GK2: variants seen among roughly 807,000 people sequenced by gnomAD.
GK2 encodes the protein glycerol kinase 2, also known as ATP:glycerol 3-phosphotransferase 2.
A neutral mutation model predicts 9.5 loss-of-function variants in GK2; 10 were observed. The observed-to-expected ratio is 1.05, with a 90% CI of 0.65 to 1.78. The LOEUF (loss-of-function observed/expected upper bound fraction) is 1.78, where lower values mean the gene tolerates loss of function less well. Among genes scored for constraint, GK2 ranks in the 40% most tolerant of loss-of-function variants. The pLI, the probability that GK2 is intolerant of heterozygous loss-of-function variation, is 0.00. For synonymous variants in GK2, 228 were observed against 229.9 expected, an observed-to-expected ratio of 0.99 and a Z score of 0.07; for missense variants, 643 against 669.0, an observed-to-expected ratio of 0.96 and a Z score of 0.43.
chr4:79,407,716 C>G lies in GK2; in HGVS notation c.485G>C (p.Arg162Thr), dbSNP rs945431876. The change falls in exon 1 of 1, where the codon AGA (arginine) becomes ACA (threonine). Residue 162 changes from arginine to threonine, a missense_variant. Arg to Thr is a moderately conservative substitution (Grantham distance 71, BLOSUM62 -1). Transcript: ENST00000358842. ...VKLRWMLDNV[R>T]NVQKAVEEGR... ...TTCTTCAACAGCCTTTTGGACGTTT[C>G]TCACATTGTCAAGCATCCAACGAAG... is the stretch of plus-strand genomic sequence containing the variant. 2 of 1,614,054 alleles carry G rather than the reference C, an allele frequency of 1.2e-6. No individual in the cohort carries two copies. Among genetic ancestry groups the G allele is most frequent in the African/African-American group, 2.7e-5 (2 of 74,924 alleles).
rs1382440724 is a variant in GK2, at chr4:79,407,333, C to T, written c.868G>A (p.Gly290Ser). ...TGTTCAGAAAACACACATTTACGACCCGTATTACACAGTAAGAAGCAACCT... is the reference window on the plus strand; with the variant it reads ...TGTTCAGAAAACACACATTTACGACTCGTATTACACAGTAAGAAGCAACCT... ...GTGCFLLCNT[G>S]RKCVFSEHGL... Residue 290 changes from glycine to serine, a missense_variant, in exon 1 of 1, where the codon GGT becomes AGT. Coordinates refer to ENST00000358842, the MANE Select transcript of GK2 (RefSeq NM_033214.3). 6.2e-7 allele frequency: 1 copy of T among 1,614,190 alleles called. No homozygotes were observed. Among genetic ancestry groups the T allele is most frequent in the Non-Finnish European group, 8.5e-7 (1 of 1,180,044 alleles).
In GK2 at chr4:79,407,844, G is replaced by GTAGTA; in HGVS notation, c.356_357insTACTA (p.Gln120ThrfsTer35). On this transcript the variant is annotated frameshift_variant, in exon 1 of 1. Transcript: ENST00000358842. LOFTEE classifies it high-confidence loss of function. ...TACTAAGATCCTCAACAGTAGTCTGGGTTCTTAGATCAAGCCACACCACAG... is the reference window on the plus strand; with the variant it reads ...TACTAAGATCCTCAACAGTAGTCTGGTAGTAGTTCTTAGATCAAGCCACACCACAG... 6.2e-7 allele frequency: 1 copy of GTAGTA among 1,614,038 alleles called. No individual in the cohort carries two copies. Among genetic ancestry groups the GTAGTA allele is most frequent in the Non-Finnish European group, 8.5e-7 (1 of 1,179,974 alleles).
In GK2 at chr4:79,406,504, A is replaced by G; in HGVS notation, c.*35T>C. On this transcript the variant is annotated 3_prime_UTR_variant, in exon 1 of 1. Coordinates refer to ENST00000358842, the MANE Select transcript of GK2 (RefSeq NM_033214.3). Reference sequence around the variant, plus strand: ...ACTGCTATATGCTTTCATTATGTAAAATGTTTACATCTTGGGACTCCATAG... The same window carrying G: ...ACTGCTATATGCTTTCATTATGTAAGATGTTTACATCTTGGGACTCCATAG... The G allele has an allele frequency of 8.0e-7, 1 of 1,247,086 alleles. No individual in the cohort carries two copies. Among genetic ancestry groups the G allele is most frequent in the Non-Finnish European group, 1.2e-6 (1 of 863,118 alleles). The allele number at this position is 1,247,086 out of a possible 1,614,324, so 77.3% of individuals were successfully genotyped here.
rs1338480819 is a variant in GK2, at chr4:79,407,509, GGAA to G, written c.689_691del (p.Leu230del). On this transcript the variant is annotated inframe_deletion, in exon 1 of 1. Transcript: ENST00000358842. Reference sequence around the variant, plus strand: ...GATCTCAGAAGAACTGAAGACATTTGGAAGAAGGTCCATTGGAATTTCAAAAAA... The same window carrying G: ...GATCTCAGAAGAACTGAAGACATTTGGAAGGTCCATTGGAATTTCAAAAAA... The G allele has an allele frequency of 6.2e-7, 1 of 1,614,032 alleles. No individual in the cohort carries two copies. The highest frequency in any genetic ancestry group is 2.2e-5 in the East Asian group (1 of 44,878).
Position 79,407,224 on chromosome 4 carries a change from C to G in GK2, c.977G>C (p.Gly326Ala), listed in dbSNP as rs937575078. ...GTCTCTTAGCCAACGAATAACAGCA[C>G]CTGCTATAGCAACAGAACCTTCCAG... is the stretch of plus-strand genomic sequence containing the variant. Reference protein sequence around the residue: ...YALEGSVAIAGAVIRWLRDNL... With the variant: ...YALEGSVAIAAAVIRWLRDNL... Residue 326 changes from glycine to alanine, a missense_variant, in exon 1 of 1, where the codon GGT becomes GCT. Physicochemically the swap from Gly to Ala is moderately conservative, Grantham distance 60. Transcript: ENST00000358842. 1.9e-6 allele frequency: 3 copies of G among 1,614,054 alleles called. No individual in the cohort carries two copies. Among genetic ancestry groups the G allele is most frequent in the East Asian group, 2.2e-5 (1 of 44,894 alleles).
In GK2 at chr4:79,407,643, C is replaced by T; in HGVS notation, c.558G>A (p.Leu186=). The change falls in exon 1 of 1, where the codon TTG becomes TTA. Residue 186 remains leucine, a synonymous_variant. Coordinates refer to ENST00000358842, the MANE Select transcript of GK2 (RefSeq NM_033214.3). ...GCACGCCTCCATTAACTCCTCCTGT[C>T]AAACTCCAGATAAGCCATGAATCAA... is the stretch of plus-strand genomic sequence containing the variant. ...GTIDSWLIWS[L]TGGVNGGVHC... 1 of 1,614,248 alleles carries T rather than the reference C, an allele frequency of 6.2e-7. No individual in the cohort carries two copies. The highest frequency in any genetic ancestry group is 8.5e-7 in the Non-Finnish European group (1 of 1,180,046).
In GK2 at chr4:79,407,064, T is replaced by C. The variant is rs965750252; in HGVS notation, c.1137A>G (p.Ile379Met). The change falls in exon 1 of 1, where the codon ATA becomes ATG. Residue 379 changes from isoleucine to methionine, a missense_variant. Coordinates refer to ENST00000358842, the MANE Select transcript of GK2 (RefSeq NM_033214.3). Reference sequence around the variant, plus strand: ...TGGTAAACTGAGTGAGGCCACAGAGTATCCCTCTTGCACTGGGCTCCCAAT... The same window carrying C: ...TGGTAAACTGAGTGAGGCCACAGAGCATCCCTCTTGCACTGGGCTCCCAAT... Reference protein sequence around the residue: ...APYWEPSARGILCGLTQFTNK... With the variant: ...APYWEPSARGMLCGLTQFTNK... 4 of 1,613,824 alleles carry C rather than the reference T, an allele frequency of 2.5e-6. No homozygotes were observed. Among genetic ancestry groups the C allele is most frequent in the Middle Eastern group, 1.6e-4 (1 of 6,084 alleles).
rs1219928482 is a variant in GK2 at position 79,406,914 on chromosome 4, G to C, written c.1287C>G (p.Thr429=). 4 of 1,614,048 alleles carry C rather than the reference G, an allele frequency of 2.5e-6. No homozygotes were observed. The highest frequency in any genetic ancestry group is 8.5e-7 in the Non-Finnish European group (1 of 1,180,028). Residue 429 remains threonine (T), a synonymous_variant, in exon 1 of 1, where the codon ACC becomes ACG. Transcript: ENST00000358842. ...GTAGCTGCATAAGAACTTTGTTGTT[G>C]GTCATTCCTCCATCTACCTGCAAAT... ...LRHLQVDGGM[T]NNKVLMQLQA... is the part of the protein sequence containing the mutation.
In GK2 at chr4:79,407,565, A is replaced by T. The variant is rs1280082348; in HGVS notation, c.636T>A (p.Ser212=). 1.2e-6 allele frequency: 2 copies of T among 1,614,120 alleles called. No individual in the cohort carries two copies. The highest frequency in any genetic ancestry group is 1.1e-5 in the South Asian group (1 of 91,088). ...CACAGAGCTCTTTATCCCATTCCAA[A>T]GAATGGATATTAAAAAGCATTGTCC... The part of the protein sequence containing the change: ...ASRTMLFNIH[S]LEWDKELCDF... Residue 212 remains serine (S), a synonymous_variant, in exon 1 of 1, where the codon TCT becomes TCA. Coordinates refer to ENST00000358842, the MANE Select transcript of GK2 (RefSeq NM_033214.3).
rs536094689 is a variant in GK2, at chr4:79,406,552, G to T, written c.1649C>A (p.Ser550Ter). The change falls in exon 1 of 1, where the codon TCG becomes TAG. Residue 550 changes from serine (S) to a stop codon, truncating the protein, a stop_gained. Transcript: ENST00000358842. LOFTEE classifies it high-confidence loss of function. Reference protein sequence around the residue: ...MVMLIGARYISGVP With the variant: ...MVMLIGARYI ...TAGCTGGTATTATTATGGCACACCC[G>T]AGATATATCTTGCTCCAATTAGCAT... 6.2e-7 allele frequency: 1 copy of T among 1,602,052 alleles called. No individual in the cohort carries two copies. Among genetic ancestry groups the T allele is most frequent in the Middle Eastern group, 1.7e-4 (1 of 6,026 alleles).
rs757316799 is a variant in GK2 at position 79,407,029 on chromosome 4, T to C, written c.1172A>G (p.His391Arg). 1 of 1,614,174 alleles carries C rather than the reference T, an allele frequency of 6.2e-7. No individual in the cohort carries two copies. The highest frequency in any genetic ancestry group is 8.5e-7 in the Non-Finnish European group (1 of 1,180,036). The change falls in exon 1 of 1, where the codon CAT becomes CGT. Residue 391 changes from histidine to arginine, a missense_variant. Physicochemically the swap from His to Arg is conservative, Grantham distance 29 (BLOSUM62 0). Transcript: ENST00000358842. ...AGCTTCTAATGCAGCAAAAGCAATA[T>C]GACATTTATTGGTAAACTGAGTGAG... The part of the protein sequence containing the change: ...CGLTQFTNKC[H>R]IAFAALEAVC...
In GK2 at chr4:79,407,702, C is replaced by A; in HGVS notation, c.499G>T (p.Ala167Ser). 6.2e-7 allele frequency: 1 copy of A among 1,614,174 alleles called. No homozygotes were observed. Among genetic ancestry groups the A allele is most frequent in the Non-Finnish European group, 8.5e-7 (1 of 1,180,042 alleles). ...MLDNVRNVQK[A>S]VEEGRALFGT... ...AAAAGAGCTCTACCTTCTTCAACAGCCTTTTGGACGTTTCTCACATTGTCA... is the reference window on the plus strand; with the variant it reads ...AAAAGAGCTCTACCTTCTTCAACAGACTTTTGGACGTTTCTCACATTGTCA... Residue 167 changes from alanine (A) to serine (S), a missense_variant, in exon 1 of 1, where the codon GCT becomes TCT. Ala to Ser is a moderately conservative substitution (Grantham distance 99, BLOSUM62 1). Transcript: ENST00000358842.
chr4:79,407,486 T>G lies in GK2; in HGVS notation c.715A>C (p.Ile239Leu). Reference sequence around the variant, plus strand: ...GCTCCAGTTTTAATTAGGCCATAGATCTCAGAAGAACTGAAGACATTTGGA... The same window carrying G: ...GCTCCAGTTTTAATTAGGCCATAGAGCTCAGAAGAACTGAAGACATTTGGA... ...LLPNVFSSSEIYGLIKTGALE... is the reference protein window; with the variant it reads ...LLPNVFSSSELYGLIKTGALE... Residue 239 changes from isoleucine to leucine, a missense_variant, in exon 1 of 1, where the codon ATC (isoleucine) becomes CTC (leucine). Transcript: ENST00000358842. The G allele has an allele frequency of 6.2e-7, 1 of 1,614,116 alleles. No homozygotes were observed. The highest frequency in any genetic ancestry group is 1.1e-5 in the South Asian group (1 of 91,076).
rs756369279 is a variant in GK2 at position 79,406,601 on chromosome 4, A to G, written c.1600T>C (p.Phe534Leu). ...ATTACCATGCTACTCACTATAAAAAATCCCAAAGGCAGACTAGAGAAGATA... is the reference window on the plus strand; with the variant it reads ...ATTACCATGCTACTCACTATAAAAAGTCCCAAAGGCAGACTAGAGAAGATA... The part of the protein sequence containing the change: ...PSIFSSLPLG[F>L]FIVSSMVMLI... Residue 534 changes from phenylalanine (F) to leucine (L), a missense_variant, in exon 1 of 1, where the codon TTT becomes CTT. Physicochemically the swap from Phe to Leu is conservative, Grantham distance 22. Transcript: ENST00000358842. 10 of 1,614,084 alleles carry G rather than the reference A, an allele frequency of 6.2e-6. No individual in the cohort carries two copies. Among genetic ancestry groups the G allele is most frequent in the South Asian group, 2.2e-5 (2 of 91,074 alleles).
In GK2 at chr4:79,407,813, T is replaced by C; in HGVS notation, c.388A>G (p.Ile130Val). 1 of 1,613,996 alleles carries C rather than the reference T, an allele frequency of 6.2e-7. No individual in the cohort carries two copies. The highest frequency in any genetic ancestry group is 8.5e-7 in the Non-Finnish European group (1 of 1,179,940). Reference protein sequence around the residue: ...QTTVEDLSKKIPGNSNFVKSK... With the variant: ...QTTVEDLSKKVPGNSNFVKSK... Reference sequence around the variant, plus strand: ...TTGACGAAGTTACTATTTCCTGGAATTTTTTTACTAAGATCCTCAACAGTA... The same window carrying C: ...TTGACGAAGTTACTATTTCCTGGAACTTTTTTACTAAGATCCTCAACAGTA... Residue 130 changes from isoleucine (I) to valine (V), a missense_variant, in exon 1 of 1, where the codon ATT becomes GTT. Transcript: ENST00000358842.
At position 79,406,503 on chromosome 4, in the gene GK2, A is replaced by G. The variant is rs1376286466; in HGVS notation, c.*36T>C. The G allele has an allele frequency of 2.7e-5, 33 of 1,240,730 alleles. No individual in the cohort carries two copies. Among genetic ancestry groups the G allele is most frequent in the Non-Finnish European group, 3.5e-5 (30 of 857,600 alleles). The allele number at this position is 1,240,730 out of a possible 1,614,324, so 76.9% of individuals were successfully genotyped here. A position where few individuals can be genotyped will look rare whatever the true frequency, so the allele number is the denominator to read the frequency against. On this transcript the variant is annotated 3_prime_UTR_variant, in exon 1 of 1. Coordinates refer to ENST00000358842, the MANE Select transcript of GK2 (RefSeq NM_033214.3). ...AACTGCTATATGCTTTCATTATGTA[A>G]AATGTTTACATCTTGGGACTCCATA...
In GK2 at chr4:79,407,254, T is replaced by A. The variant is rs776671840; in HGVS notation, c.947A>T (p.Tyr316Phe). ...TATAGCAACAGAACCTTCCAGTGCA[T>A]AATATGCTGGCTTCTCTCTGCCTAG... ...YKLGREKPAY[Y>F]ALEGSVAIAG... Residue 316 changes from tyrosine (Y) to phenylalanine (F), a missense_variant, in exon 1 of 1, where the codon TAT (tyrosine) becomes TTT (phenylalanine). Tyr to Phe is a conservative substitution (Grantham distance 22, BLOSUM62 3). Transcript: ENST00000358842. 1.2e-6 allele frequency: 2 copies of A among 1,614,216 alleles called. No individual in the cohort carries two copies. The highest frequency in any genetic ancestry group is 2.2e-5 in the South Asian group (2 of 91,090).
In GK2 at chr4:79,406,415, A is replaced by G. The variant is rs1199828151; in HGVS notation, c.*124T>C. On this transcript the variant is annotated 3_prime_UTR_variant, in exon 1 of 1. Coordinates refer to ENST00000358842, the MANE Select transcript of GK2 (RefSeq NM_033214.3). The stretch of plus-strand genomic sequence containing the variant: ...CACAAGTCTAGGGTTTTCATGGGTC[A>G]TGTAGCAAGTGGTTTATAAACAAAA... 1.3e-5 allele frequency: 8 copies of G among 621,764 alleles called. No homozygotes were observed. The highest frequency in any genetic ancestry group is 2.0e-5 in the Non-Finnish European group (7 of 352,384). The allele number at this position is 621,764 out of a possible 1,614,324, so 38.5% of individuals were successfully genotyped here. A position where few individuals can be genotyped will look rare whatever the true frequency, so the allele number is the denominator to read the frequency against.
In GK2 at chr4:79,407,308, T is replaced by C. The variant is rs774967537; in HGVS notation, c.893A>G (p.His298Arg). ...NTGRKCVFSE[H>R]GLLTTVAYKL... ...GTAAGCTACTGTGGTCAAAAGGCCA[T>C]GTTCAGAAAACACACATTTACGACC... Residue 298 changes from histidine to arginine, a missense_variant, in exon 1 of 1, where the codon CAT becomes CGT. Coordinates refer to ENST00000358842, the MANE Select transcript of GK2 (RefSeq NM_033214.3). 4.3e-6 allele frequency: 7 copies of C among 1,614,092 alleles called. No homozygotes were observed. The highest frequency in any genetic ancestry group is 1.3e-5 in the African/African-American group (1 of 74,926).
Sources: gnomAD v4.1 joint callset for allele counts on GRCh38, gnomAD v4.1.1 for gene constraint, MANE v1.5 for transcripts, NCBI Gene and HGNC (gene_info 2026-07-23, HGNC 2026-07-21) for gene names.